Variants in ANXA5 observed in about 807,000 individuals in gnomAD.
The protein encoded by ANXA5 is CBP-I.
A neutral mutation model predicts 48.1 loss-of-function variants in ANXA5; 40 were observed. That is an observed-to-expected ratio of 0.83 (90% CI 0.65 to 1.08). ANXA5 has a LOEUF of 1.08. Ranked by LOEUF, ANXA5 falls within the 50% of genes least tolerant of loss-of-function variation. The pLI, the probability that ANXA5 is intolerant of heterozygous loss-of-function variation, is 0.00. For missense variants in ANXA5, 357 were observed against 376.8 expected (o/e 0.95, Z 0.44); for synonymous variants, 113 against 129.1 (o/e 0.88, Z 0.85).
chr4:121,695,901 C>CA (rs889041599), intron 2 of ANXA5, among the ~76,000 whole-genome samples: 16 of 112,932 alleles, frequency 1.4e-4, no homozygotes, highest in Middle Eastern at 4.9e-3. Context: ...GACTCCGTCT[C>CA]AAAAAAAAAG....
At chr4:121,672,709 G>A in intron 8 of ANXA5, 83 bp from the exon 9 acceptor site, 1 of 920,778 alleles carries the variant, frequency 1.1e-6, no homozygotes, top group Non-Finnish European at 1.8e-6. Flanking sequence ...TTTACTCCCT[G>A]AATTTTAACT....
At chr4:121,673,418 CTAAGTCTACA>C (rs1195693516) in intron 8 of ANXA5, among the ~76,000 whole-genome samples, 22 of 152,314 alleles carry the variant, frequency 1.4e-4, no homozygotes, top group African/African-American at 4.1e-4. Flanking sequence ...TCATTTCAAA[CTAAGTCTACA>C]TATTAAAGCA....
intron 2 of ANXA5, among the ~76,000 whole-genome samples, chr4:121,689,202 A>T (rs1446637978): frequency 6.6e-6 from 1 of 152,244 alleles, no homozygotes; most frequent in Non-Finnish European, 1.5e-5. Flanking sequence ...CTCTTTAATG[A>T]GACCACTTCA....
At position 121,683,436 on chromosome 4, in the gene ANXA5, A is replaced by C; in HGVS notation, c.231T>G (p.Phe77Leu). ...TCATCAGAGCCACAATTAATTTTTC[A>C]AATTTTCCAGTTAGTTCTGATTTCA... Reference protein sequence around the residue: ...DDLKSELTGKFEKLIVALMKP... With the variant: ...DDLKSELTGKLEKLIVALMKP... Residue 77 changes from phenylalanine (F) to leucine (L), a missense_variant, in exon 5 of 13, where the codon TTT becomes TTG. By Grantham distance (22) the Phe-to-Leu change is conservative. Coordinates refer to ENST00000296511, the MANE Select transcript of ANXA5 (RefSeq NM_001154.4). The C allele has an allele frequency of 6.2e-7, 1 of 1,611,720 alleles. No homozygotes were observed. The highest frequency in any genetic ancestry group is 2.2e-5 in the East Asian group (1 of 44,726).
At chr4:121,678,004 G>A in intron 7 of ANXA5, 54 bp from the exon 8 acceptor site, 2 of 1,425,970 alleles carry the variant, frequency 1.4e-6, no homozygotes, top group Admixed American at 1.8e-5. Context: ...TCATTCAAAA[G>A]GAAAAATGGT....
At position 121,670,026 on chromosome 4, in the gene ANXA5, C is replaced by A; in HGVS notation, c.722-14G>T. On this transcript the variant is annotated splice_polypyrimidine_tract_variant and intron_variant, in intron 10 of 12. Transcript: ENST00000296511. Reference sequence around the variant, plus strand: ...GAATAGATTTCACTAAGAAAATAAACAATACAATGGTCAAATGCTATTTTG... The same window carrying A: ...GAATAGATTTCACTAAGAAAATAAAAAATACAATGGTCAAATGCTATTTTG... 2 of 1,569,312 alleles carry A rather than the reference C, an allele frequency of 1.3e-6. No homozygotes were observed. Among genetic ancestry groups the A allele is most frequent in the Non-Finnish European group, 1.7e-6 (2 of 1,149,650 alleles).
At chr4:121,684,999 G>A (rs561032539) in intron 3 of ANXA5, among the ~76,000 whole-genome samples, 3 of 147,220 alleles carry the variant, frequency 2.0e-5, no homozygotes, top group Admixed American at 6.9e-5. Flanking sequence ...GGTCAACATA[G>A]TGAGACCCCC....
chr4:121,678,906 G>A (rs1724744816), intron 6 of ANXA5, among the ~76,000 whole-genome samples: 1 of 136,008 alleles, frequency 7.4e-6, no homozygotes, highest in Admixed American at 7.9e-5. Flanking sequence ...TATTTCTTTG[G>A]GCATGGCCAT....
intron 9 of ANXA5, 115 bp downstream of exon 9, chr4:121,672,418 C>A: frequency 1.4e-6 from 1 of 692,126 alleles, no homozygotes; most frequent in African/African-American, 1.8e-5. Flanking sequence ...GGAAGAAATA[C>A]AAAAACTGAT....
chr4:121,671,715 T>C, intron 9 of ANXA5, 73 bp from the exon 10 acceptor site: 1 of 1,058,820 alleles, frequency 9.4e-7, no homozygotes, highest in Non-Finnish European at 1.4e-6. Context: ...TTACTTTGAT[T>C]AGGTAGTGTC....
At chr4:121,676,682 G>GC (rs1291347208) in intron 8 of ANXA5, among the ~76,000 whole-genome samples, 4 of 146,348 alleles carry the variant, frequency 2.7e-5, no homozygotes, top group Admixed American at 2.1e-4. Flanking sequence ...CCTGGGGGCG[G>GC]GGGGGGGTAT....
At chr4:121,678,345 AC>A (rs1163805520) in intron 7 of ANXA5, 69 bp downstream of exon 7, 1 of 1,237,982 alleles carries the variant, frequency 8.1e-7, no homozygotes, top group Non-Finnish European at 1.2e-6. Context: ...AAGTGACCTT[AC>A]TTAACTAGAT....
intron 2 of ANXA5, among the ~76,000 whole-genome samples, chr4:121,690,170 C>A (rs1432970263): frequency 6.6e-6 from 1 of 152,178 alleles, no homozygotes; most frequent in Non-Finnish European, 1.5e-5. Flanking sequence ...ATCTTACAGA[C>A]AAAGAAACAT....
At chr4:121,687,519 A>G (rs1344966125) in intron 2 of ANXA5, among the ~76,000 whole-genome samples, 5 of 152,184 alleles carry the variant, frequency 3.3e-5, no homozygotes, top group East Asian at 1.9e-4. Flanking sequence ...CTCGTTTACA[A>G]TCTTACATGT....
At chr4:121,687,301 C>CAA (rs79008900) in intron 2 of ANXA5, among the ~76,000 whole-genome samples, 13 of 53,664 alleles carry the variant, frequency 2.4e-4, no homozygotes, top group South Asian at 6.2e-4. Flanking sequence ...CTCTGTCTCA[C>CAA]AAAAAAAAAA....
At position 121,668,327 on chromosome 4, in the gene ANXA5, G is replaced by T; in HGVS notation, c.*141C>A. 1 of 675,728 alleles carries T rather than the reference G, an allele frequency of 1.5e-6. No individual in the cohort carries two copies. Among genetic ancestry groups the T allele is most frequent in the South Asian group, 1.8e-5 (1 of 55,556 alleles). The allele number at this position is 675,728 out of a possible 1,614,324, so 41.9% of individuals were successfully genotyped here. On this transcript the variant is annotated 3_prime_UTR_variant, in exon 13 of 13. Coordinates refer to ENST00000296511, the MANE Select transcript of ANXA5 (RefSeq NM_001154.4). ...AAGAAGCACCACTATTTTCTTCTAT[G>T]ACGTGTATGTGTTGGTCATGAGCAT...
chr4:121,679,660 T>C (rs1351524317), intron 6 of ANXA5, among the ~76,000 whole-genome samples: 1 of 152,174 alleles, frequency 6.6e-6, no homozygotes, highest in African/African-American at 2.4e-5. Context: ...CCAGTCTCCA[T>C]GCCATTAAAG....
Position 121,681,682 on chromosome 4 carries a change from A to C in ANXA5, c.383T>G (p.Val128Gly), listed in dbSNP as rs1197089601. 6.2e-7 allele frequency: 1 copy of C among 1,609,860 alleles called. No homozygotes were observed. The highest frequency in any genetic ancestry group is 8.5e-7 in the Non-Finnish European group (1 of 1,177,134). Residue 128 changes from valine (V) to glycine (G), a missense_variant, in exon 6 of 13, where the codon GTT becomes GGT. Transcript: ENST00000296511. ...TPEELRAIKQ[V>G]YEEEYGSSLE... ...TCACAAACATTTACCTTCTTCATAA[A>C]CTTGTTTGATGGCTCTCAGTTCTTC... is the stretch of plus-strand genomic sequence containing the variant.
chr4:121,696,454 C>T lies in ANXA5; in HGVS notation c.9+127G>A, dbSNP rs539431784. Reference sequence around the variant, plus strand: ...AAAGGGGGAACAAGAAAAGTGGAAGCGATGTCCCCAAAGCAGGTTCCCTTT... The same window carrying T: ...AAAGGGGGAACAAGAAAAGTGGAAGTGATGTCCCCAAAGCAGGTTCCCTTT... On this transcript the variant is annotated intron_variant, in intron 2 of 12. Transcript: ENST00000296511. The T allele has an allele frequency of 1.8e-5, 15 of 852,800 alleles. No individual in the cohort carries two copies. The Admixed American group carries it at 4.7e-4, about 27-fold the overall frequency. 52.8% of individuals were successfully genotyped at this position (852,800 alleles called of 1,614,324 possible).
Sources: gnomAD v4.1 joint callset for allele counts (sites outside exome capture counted in the v4.1 genomes callset) on GRCh38, gnomAD v4.1.1 for gene constraint, MANE v1.5 for transcripts, NCBI Gene and HGNC (gene_info 2026-07-23, HGNC 2026-07-21) for gene names.